COL11A1: variants seen among roughly 807,000 people sequenced by gnomAD.
COL11A1 encodes collagen alpha-1(XI) chain.
A neutral mutation model predicts 265.2 loss-of-function variants in COL11A1; 74 were observed. The observed-to-expected ratio is 0.28, with a 90% CI of 0.23 to 0.34. COL11A1 has a LOEUF of 0.34. Among genes scored for constraint, COL11A1 ranks in the 10% least tolerant of loss-of-function variants. The probability of loss-of-function intolerance (pLI) is 1.00; values close to 1 mark genes in which losing one functional copy is unlikely to be tolerated. For missense variants in COL11A1, 2,165 were observed against 2,263.6 expected (o/e 0.96, Z 0.88); for synonymous variants, 816 against 727.6 (o/e 1.12, Z -1.96).
At chr1:102,987,126 A>G (rs1433407209) in intron 30 of COL11A1, among the ~76,000 whole-genome samples, 5 of 152,170 alleles carry the variant, frequency 3.3e-5, no homozygotes, top group African/African-American at 1.2e-4. Context: ...ATGGCCGAGG[A>G]GGGCATAGAA....
intron 29 of COL11A1, among the ~76,000 whole-genome samples, chr1:102,988,437 C>A (rs1309561470): frequency 6.6e-6 from 1 of 152,140 alleles, no homozygotes; most frequent in Admixed American, 6.6e-5. Context: ...AAAGAGTTTG[C>A]AATTCCCCTG....
At chr1:102,899,224 T>A (rs1310649579) in intron 54 of COL11A1, among the ~76,000 whole-genome samples, 2 of 152,002 alleles carry the variant, frequency 1.3e-5, no homozygotes, top group Non-Finnish European at 2.9e-5. Context: ...TCACTTCACA[T>A]CAATATAAGA....
At chr1:103,075,900 T>C (rs1157463313) in intron 3 of COL11A1, among the ~76,000 whole-genome samples, 1 of 152,110 alleles carries the variant, frequency 6.6e-6, no homozygotes, top group Admixed American at 6.6e-5. Flanking sequence ...TGGTTTGAAT[T>C]GAGCAAAGAT....
rs373458073 is a variant in COL11A1, at chr1:102,921,613, A to C, written c.3655-42T>G. On this transcript the variant is annotated intron_variant, in intron 47 of 66. Transcript: ENST00000370096. ...TTGAGGTTTACAAAGACCAAATTCA[A>C]ATGTGTTTCCAACATTTTCATTTTA... 1.1e-5 allele frequency: 17 copies of C among 1,495,920 alleles called. No individual in the cohort carries two copies. The African/African-American group carries it at 1.3e-4, about 11-fold the overall frequency. 92.7% of individuals were successfully genotyped at this position (1,495,920 alleles called of 1,614,324 possible). A position where few individuals can be genotyped will look rare whatever the true frequency, so the allele number is the denominator to read the frequency against.
At chr1:102,891,880 C>T (rs1283890713) in intron 57 of COL11A1, among the ~76,000 whole-genome samples, 2 of 151,960 alleles carry the variant, frequency 1.3e-5, no homozygotes, top group Admixed American at 6.6e-5. Flanking sequence ...AACACCCTGT[C>T]GCTAGAGAAA....
chr1:102,895,194 G>A (rs756011849), intron 57 of COL11A1, among the ~76,000 whole-genome samples: 12 of 152,068 alleles, frequency 7.9e-5, no homozygotes, highest in Non-Finnish European at 1.6e-4. Flanking sequence ...CATTTTAAGA[G>A]TTTAAAAAAT....
intron 1 of COL11A1, among the ~76,000 whole-genome samples, chr1:103,102,128 T>C (rs913066831): frequency 1.3e-5 from 2 of 152,022 alleles, no homozygotes; most frequent in African/African-American, 4.8e-5. Context: ...CAAGTGAACA[T>C]ATAAAAGAAT....
At chr1:102,981,287 T>C (rs1410717136) in intron 31 of COL11A1, among the ~76,000 whole-genome samples, 1 of 152,122 alleles carries the variant, frequency 6.6e-6, no homozygotes, top group East Asian at 1.9e-4. Flanking sequence ...CAAAATCTCT[T>C]TTCTTTCTCT....
chr1:103,104,953 A>T (rs1296924864), intron 1 of COL11A1, among the ~76,000 whole-genome samples: 1 of 152,174 alleles, frequency 6.6e-6, no homozygotes, highest in African/African-American at 2.4e-5. Flanking sequence ...ACACTTCTTC[A>T]GGGCTCACTA....
At chr1:103,062,880 A>C (rs575624705) in intron 4 of COL11A1, among the ~76,000 whole-genome samples, 7 of 152,162 alleles carry the variant, frequency 4.6e-5, no homozygotes, top group Admixed American at 1.3e-4. Context: ...GAAATAATAA[A>C]TGATTGTTAC....
intron 9 of COL11A1, among the ~76,000 whole-genome samples, chr1:103,021,122 A>G (rs1667024115): frequency 6.6e-6 from 1 of 150,406 alleles, no homozygotes; most frequent in Non-Finnish European, 1.5e-5. Context: ...TATTAGCAGG[A>G]AACAATGGCA....
chr1:103,025,660 C>G, intron 6 of COL11A1, 47 bp from the exon 7 acceptor site: 1 of 1,577,290 alleles, frequency 6.3e-7, no homozygotes, highest in Admixed American at 1.7e-5. Context: ...AAGGTGATCC[C>G]AAATGTATGG....
At chr1:103,043,923 A>G (rs1669037764) in intron 4 of COL11A1, among the ~76,000 whole-genome samples, 1 of 152,112 alleles carries the variant, frequency 6.6e-6, no homozygotes, top group Non-Finnish European at 1.5e-5. Context: ...ACAACATTCT[A>G]TAATATTTTC....
At chr1:102,954,842 C>A (rs2101506844) in intron 41 of COL11A1, among the ~76,000 whole-genome samples, 1 of 94,336 alleles carries the variant, frequency 1.1e-5, no homozygotes, top group South Asian at 5.6e-4. Context: ...GAAACTCCCT[C>A]TTGAAATAAA....
chr1:103,051,592 G>T (rs1669833208), intron 4 of COL11A1, among the ~76,000 whole-genome samples: 2 of 152,136 alleles, frequency 1.3e-5, no homozygotes, highest in Admixed American at 6.5e-5. Flanking sequence ...CTTATGCATG[G>T]TGCACTGCAC....
intron 49 of COL11A1, among the ~76,000 whole-genome samples, chr1:102,917,749 G>T (rs1204799398): frequency 6.6e-6 from 1 of 151,614 alleles, no homozygotes; most frequent in East Asian, 1.9e-4. Flanking sequence ...AAAAAGATAG[G>T]TTTAAATAAT....
chr1:103,099,480 T>G (rs1405428502), intron 1 of COL11A1, among the ~76,000 whole-genome samples: 1 of 149,686 alleles, frequency 6.7e-6, no homozygotes, highest in Non-Finnish European at 1.5e-5. Context: ...TATATATATA[T>G]ATTATATATG....
intron 2 of COL11A1, among the ~76,000 whole-genome samples, chr1:103,082,427 C>T (rs1454342191): frequency 2.0e-5 from 3 of 151,994 alleles, no homozygotes; most frequent in South Asian, 4.1e-4. Flanking sequence ...AGATTCCCTC[C>T]TATACCCCAG....
chr1:103,079,198 C>T (rs777947892), intron 2 of COL11A1, among the ~76,000 whole-genome samples: 14 of 152,046 alleles, frequency 9.2e-5, no homozygotes, highest in African/African-American at 3.4e-4. Context: ...TATTTAAGTG[C>T]TAATTTTGGC....
Sources: allele counts gnomAD v4.1 joint callset (sites outside exome capture counted in the v4.1 genomes callset), GRCh38; gene constraint gnomAD v4.1.1; transcripts MANE v1.5; gene names NCBI Gene and HGNC (gene_info 2026-07-23, HGNC 2026-07-21).